Variants in DTNA observed in about 807,000 individuals in gnomAD.
The protein encoded by DTNA is dystrophin-related protein 3.
Under a neutral mutation model 100.7 loss-of-function variants are expected in DTNA, and 43 were observed. The observed-to-expected ratio is 0.43, with a 90% CI of 0.33 to 0.55. The LOEUF (loss-of-function observed/expected upper bound fraction) is 0.55. Among genes scored for constraint, DTNA ranks in the 20% least tolerant of loss-of-function variants. The probability of loss-of-function intolerance (pLI) is 0.04; values close to 1 mark genes in which losing one functional copy is unlikely to be tolerated. For missense variants in DTNA, 798 were observed against 953.9 expected, an observed-to-expected ratio of 0.84 and a Z score of 2.15; for synonymous variants, 349 against 347.9, an observed-to-expected ratio of 1.00 and a Z score of -0.04.
intron 15 of DTNA, among the ~76,000 whole-genome samples, chr18:34,856,515 T>C (rs1343456032): frequency 1.3e-5 from 2 of 152,156 alleles, no homozygotes; most frequent in East Asian, 3.9e-4. Context: ...TCAAATTATA[T>C]TGTATGGGTC....
intron 11 of DTNA, among the ~76,000 whole-genome samples, chr18:34,832,492 T>A (rs1386465641): frequency 6.6e-6 from 1 of 152,210 alleles, no homozygotes; most frequent in Non-Finnish European, 1.5e-5. Context: ...TTGGCTGTTG[T>A]CTCTGCATGC....
intron 1 of DTNA, among the ~76,000 whole-genome samples, chr18:34,634,425 A>G (rs1363669479): frequency 6.6e-6 from 1 of 152,200 alleles, no homozygotes; most frequent in Non-Finnish European, 1.5e-5. Context: ...ATAAACTATA[A>G]TTTATAAACA....
At chr18:34,752,448 C>T (rs1052176412) in intron 1 of DTNA, among the ~76,000 whole-genome samples, 16 of 152,180 alleles carry the variant, frequency 1.1e-4, no homozygotes, top group African/African-American at 3.9e-4. Context: ...AAGGAGCCCA[C>T]AGTGGTGTTC....
chr18:34,710,182 G>A (rs1267372570), upstream of DTNA: 4 of 151,984 alleles, frequency 2.6e-5, no homozygotes, highest in Non-Finnish European at 2.9e-5. Context: ...GTGGGTGGAG[G>A]GGAAAAAAGC....
chr18:34,560,768 G>A (rs942413790), intron 1 of DTNA, among the ~76,000 whole-genome samples: 1 of 151,868 alleles, frequency 6.6e-6, no homozygotes, highest in Admixed American at 6.6e-5. Flanking sequence ...GCACACACAC[G>A]CAATTAGCCA....
chr18:34,877,648 T>C, intron 18 of DTNA, 71 bp from the exon 19 acceptor site: 2 of 1,392,370 alleles, frequency 1.4e-6, no homozygotes, highest in Non-Finnish European at 2.0e-6. Context: ...ATGGGAAGGA[T>C]AAATAAACAA....
At position 34,829,600 on chromosome 18, in the gene DTNA, A is replaced by G. The variant is rs146594146; in HGVS notation, c.1175+111A>G. On this transcript the variant is annotated intron_variant, in intron 11 of 22. Coordinates refer to ENST00000444659, the MANE Select transcript of DTNA (RefSeq NM_001386795.1). ...TCTCATAGTACGTCTTATTGGAGAT[A>G]GAGGTCTTCTGGGGTTTAATGAAAT... 3.7e-4 allele frequency: 428 copies of G among 1,161,268 alleles called. 1 individual carries two copies. In the East Asian group the frequency reaches 7.0e-3, roughly 19 times the overall value. 71.9% of individuals were successfully genotyped at this position (1,161,268 alleles called of 1,614,324 possible).
At chr18:34,590,097 T>C (rs1217450833) in intron 1 of DTNA, among the ~76,000 whole-genome samples, 1 of 152,218 alleles carries the variant, frequency 6.6e-6, no homozygotes, top group Non-Finnish European at 1.5e-5. Context: ...AGTTGATGTA[T>C]TTCCTTTGGG....
At chr18:34,552,329 T>A (rs558308165) in intron 1 of DTNA, among the ~76,000 whole-genome samples, 49 of 152,188 alleles carry the variant, frequency 3.2e-4, no homozygotes, top group African/African-American at 1.0e-3. Context: ...GATCACTATG[T>A]CATCACGGGC....
chr18:34,638,987 A>T (rs1224702861), intron 1 of DTNA, among the ~76,000 whole-genome samples: 2 of 152,090 alleles, frequency 1.3e-5, no homozygotes, highest in Non-Finnish European at 2.9e-5. Flanking sequence ...GATTACAGCC[A>T]TGTGCCACCA....
intron 15 of DTNA, among the ~76,000 whole-genome samples, chr18:34,853,699 TC>T (rs2096515240): frequency 6.6e-6 from 1 of 151,882 alleles, no homozygotes; most frequent in Non-Finnish European, 1.5e-5. Context: ...TCACATGTGA[TC>T]CCTGTCAATG....
At chr18:34,789,335 C>T (rs2094618563) in intron 3 of DTNA, among the ~76,000 whole-genome samples, 1 of 152,214 alleles carries the variant, frequency 6.6e-6, no homozygotes, top group African/African-American at 2.4e-5. Flanking sequence ...TCAGAAATGA[C>T]ATTTTTAAGC....
chr18:34,762,322 C>T (rs2093226880), intron 2 of DTNA, among the ~76,000 whole-genome samples: 1 of 152,134 alleles, frequency 6.6e-6, no homozygotes, highest in Non-Finnish European at 1.5e-5. Flanking sequence ...GACTGGGTCA[C>T]AATACAGTTA....
chr18:34,758,407 AC>A (rs894774160), intron 2 of DTNA, among the ~76,000 whole-genome samples: 1 of 152,218 alleles, frequency 6.6e-6, no homozygotes, highest in African/African-American at 2.4e-5. Context: ...GGCAGGGAAG[AC>A]TTTTATCCAA....
intron 1 of DTNA, among the ~76,000 whole-genome samples, chr18:34,545,962 C>T (rs1382399867): frequency 6.6e-6 from 1 of 152,092 alleles, no homozygotes; most frequent in Non-Finnish European, 1.5e-5. Flanking sequence ...GCACAGTGTG[C>T]AGCACGTTTG....
chr18:34,698,224 C>A (rs1362511719), intron 1 of DTNA, among the ~76,000 whole-genome samples: 1 of 152,208 alleles, frequency 6.6e-6, no homozygotes. Flanking sequence ...AGACTTTTCC[C>A]AGAAACTACC....
intron 1 of DTNA, among the ~76,000 whole-genome samples, 153 bp downstream of exon 1, chr18:34,710,598 C>T (rs767809690): frequency 1.4e-4 from 22 of 151,756 alleles, no homozygotes; most frequent in Non-Finnish European, 3.1e-4. Flanking sequence ...CCTCCACCTC[C>T]GGTTTCAGCT....
intron 1 of DTNA, among the ~76,000 whole-genome samples, chr18:34,615,032 G>T (rs796327179): frequency 1.4e-4 from 21 of 152,274 alleles, no homozygotes; most frequent in African/African-American, 5.1e-4. Flanking sequence ...TTGCTATAAA[G>T]AAATACCTAA....
At chr18:34,840,908 G>A (rs370371882) in intron 13 of DTNA, among the ~76,000 whole-genome samples, 129 of 152,008 alleles carry the variant, frequency 8.5e-4, no homozygotes, top group African/African-American at 2.9e-3. Flanking sequence ...GGTTCTATAA[G>A]TAATGTAATG....
Sources: allele counts gnomAD v4.1 joint callset (sites outside exome capture counted in the v4.1 genomes callset), GRCh38; gene constraint gnomAD v4.1.1; transcripts MANE v1.5; gene names NCBI Gene and HGNC (gene_info 2026-07-23, HGNC 2026-07-21).